The following KANSL1 variants were observed in gnomAD, a reference collection of about 807,000 sequenced individuals.
KANSL1 encodes KAT8 regulatory NSL complex subunit 1.
A neutral mutation model predicts 103.6 loss-of-function variants in KANSL1; 22 were observed. The observed-to-expected ratio is 0.21, with a 90% CI of 0.15 to 0.30. KANSL1 has a LOEUF of 0.30. KANSL1 is among the 10% of genes least tolerant of loss of function. The probability of loss-of-function intolerance (pLI) is 1.00; values close to 1 mark genes in which losing one functional copy is unlikely to be tolerated. For synonymous variants in KANSL1, 600 were observed against 527.6 expected (o/e 1.14, Z -1.88); for missense variants, 1,337 against 1,399.8 (o/e 0.96, Z 0.72).
chr17:46,199,928 G>T (rs1567797963), intron 1 of KANSL1, among the ~76,000 whole-genome samples: 1 of 152,048 alleles, frequency 6.6e-6, no homozygotes, highest in East Asian at 1.9e-4. Flanking sequence ...CAAGATTGTT[G>T]GTCTTCTCCA....
chr17:46,152,718 C>T (rs2045188140), intron 2 of KANSL1, among the ~76,000 whole-genome samples: 1 of 152,166 alleles, frequency 6.6e-6, no homozygotes, highest in Non-Finnish European at 1.5e-5. Flanking sequence ...TAAGCGAATT[C>T]ACTGATACCA....
At chr17:46,126,267 T>C (rs563032119) in intron 2 of KANSL1, among the ~76,000 whole-genome samples, 3 of 152,052 alleles carry the variant, frequency 2.0e-5, no homozygotes, top group Admixed American at 6.6e-5. Flanking sequence ...CGTGGTGAAA[T>C]CTGGTCTCTA....
chr17:46,106,108 ATCT>A (rs931689182), intron 2 of KANSL1, among the ~76,000 whole-genome samples: 2 of 152,210 alleles, frequency 1.3e-5, no homozygotes, highest in Non-Finnish European at 2.9e-5. Flanking sequence ...ACAGAAAAAC[ATCT>A]TCTTTCTCAC....
intron 2 of KANSL1, among the ~76,000 whole-genome samples, chr17:46,160,353 G>A (rs770339261): frequency 5.9e-5 from 9 of 152,104 alleles, no homozygotes; most frequent in South Asian, 2.1e-4. Context: ...GCTGGAGTGC[G>A]GTGGTGCAAT....
intron 1 of KANSL1, among the ~76,000 whole-genome samples, chr17:46,210,015 CA>C (rs1446153009): frequency 2.0e-5 from 3 of 152,188 alleles, no homozygotes; most frequent in African/African-American, 7.2e-5. Context: ...AAGTAACTTC[CA>C]TCTACTCAAG....
At chr17:46,131,421 ATT>A (rs1193111986) in intron 2 of KANSL1, among the ~76,000 whole-genome samples, 1 of 152,242 alleles carries the variant, frequency 6.6e-6, no homozygotes, top group Admixed American at 6.5e-5. Flanking sequence ...ATAAAATTAC[ATT>A]TGTCATACCT....
intron 2 of KANSL1, among the ~76,000 whole-genome samples, chr17:46,136,350 T>C (rs1402921937): frequency 6.6e-6 from 1 of 152,228 alleles, no homozygotes; most frequent in Non-Finnish European, 1.5e-5. Context: ...AGGCTTGGAT[T>C]AGGTTTCATT....
intron 2 of KANSL1, among the ~76,000 whole-genome samples, chr17:46,105,948 C>CACACACACACACACACACACACA (rs373189477): frequency 5.1e-5 from 2 of 38,992 alleles, no homozygotes; most frequent in African/African-American, 1.7e-4. Context: ...CACACACACA[C>CACACACACACACACACACACACA]CCCCCCAGAA....
chr17:46,032,008 C>T (rs748649772), intron 14 of KANSL1, 39 bp downstream of exon 14: 3 of 1,612,726 alleles, frequency 1.9e-6, no homozygotes, highest in East Asian at 2.2e-5. Flanking sequence ...GTTCCATCCC[C>T]CAACCATGCC....
intron 4 of KANSL1, among the ~76,000 whole-genome samples, chr17:46,074,459 G>A (rs191929211): frequency 3.2e-4 from 48 of 152,118 alleles, no homozygotes; most frequent in African/African-American, 1.1e-3. Context: ...AAACAACACA[G>A]CAATAATTGC....
chr17:46,113,041 T>C (rs2042891467), intron 2 of KANSL1, among the ~76,000 whole-genome samples: 1 of 151,964 alleles, frequency 6.6e-6, no homozygotes, highest in Non-Finnish European at 1.5e-5. Flanking sequence ...ATTTTAGACA[T>C]CAATTTAAGT....
At chr17:46,045,702 A>G (rs2077482447) in intron 7 of KANSL1, 1 of 152,178 alleles carries the variant, frequency 6.6e-6, no homozygotes, top group African/African-American at 2.4e-5. Flanking sequence ...GCAGGGCAGC[A>G]TTCATGTCAG....
chr17:46,216,904 A>G (rs2048356975), intron 1 of KANSL1, among the ~76,000 whole-genome samples: 1 of 152,014 alleles, frequency 6.6e-6, no homozygotes, highest in African/African-American at 2.4e-5. Context: ...TCAGGAGTTC[A>G]ATATCAGCCT....
At chr17:46,174,917 A>G (rs187962989) in intron 1 of KANSL1, among the ~76,000 whole-genome samples, 41 of 152,314 alleles carry the variant, frequency 2.7e-4, no homozygotes, top group Admixed American at 1.2e-3. Flanking sequence ...CAGCCTTCCA[A>G]ACTCCTGGGA....
intron 2 of KANSL1, among the ~76,000 whole-genome samples, chr17:46,163,804 T>G (rs1052054325): frequency 1.3e-5 from 2 of 152,248 alleles, no homozygotes; most frequent in Admixed American, 6.5e-5. Context: ...CTTTTTCTTC[T>G]CACATTACAT....
At chr17:46,154,038 C>T (rs1408806008) in intron 2 of KANSL1, among the ~76,000 whole-genome samples, 2 of 152,240 alleles carry the variant, frequency 1.3e-5, no homozygotes, top group African/African-American at 4.8e-5. Flanking sequence ...AAATCGACCT[C>T]ACTCCCTTAA....
chr17:46,216,593 C>T (rs1180908162), intron 1 of KANSL1, among the ~76,000 whole-genome samples: 71 of 111,866 alleles, frequency 6.3e-4, no homozygotes, highest in Admixed American at 3.5e-3. Context: ...AGCAAGACTC[C>T]GTCTCAAAAA....
chr17:46,044,046 A>C (rs563565405), intron 7 of KANSL1: 2 of 152,164 alleles, frequency 1.3e-5, no homozygotes, highest in East Asian at 3.9e-4. Context: ...TATACTAACT[A>C]GTAAGTGATA....
chr17:46,120,541 TAAATA>T (rs1416279715), intron 2 of KANSL1, among the ~76,000 whole-genome samples: 1 of 152,158 alleles, frequency 6.6e-6, no homozygotes, highest in Non-Finnish European at 1.5e-5. Flanking sequence ...ATGCTGTCAC[TAAATA>T]AAAGACAGAC....
Sources: gnomAD v4.1 joint callset for allele counts (sites outside exome capture counted in the v4.1 genomes callset) on GRCh38, gnomAD v4.1.1 for gene constraint, MANE v1.5 for transcripts, NCBI Gene and HGNC (gene_info 2026-07-23, HGNC 2026-07-21) for gene names.